The following TPTE variants were observed in gnomAD, a reference collection of about 807,000 sequenced individuals.
TPTE encodes the protein putative tyrosine-protein phosphatase TPTE.
A neutral mutation model predicts 84.1 loss-of-function variants in TPTE; 59 were observed. That is an observed-to-expected ratio of 0.70 (90% CI 0.57 to 0.87). The LOEUF (loss-of-function observed/expected upper bound fraction) is 0.87, where lower values mean the gene tolerates loss of function less well. TPTE is among the 40% of genes least tolerant of loss of function. The probability of loss-of-function intolerance (pLI) is 0.00; values close to 1 mark genes in which losing one functional copy is unlikely to be tolerated. For missense variants in TPTE, 382 were observed against 659.6 expected (o/e 0.58, Z 4.61); for synonymous variants, 130 against 223.5 (o/e 0.58, Z 3.73).
intron 3 of TPTE, among the ~76,000 whole-genome samples, chr21:10,537,010 A>G (rs1439917050): frequency 6.6e-6 from 1 of 152,304 alleles, no homozygotes; most frequent in African/African-American, 2.4e-5. Flanking sequence ...CTAACACTAC[A>G]AGCCCACACC....
At chr21:10,542,171 A>G (rs1335930442) in intron 5 of TPTE, among the ~76,000 whole-genome samples, 1 of 152,304 alleles carries the variant, frequency 6.6e-6, no homozygotes, top group African/African-American at 2.4e-5. Context: ...GTTTACTTAA[A>G]TCGGGAAGCA....
intron 3 of TPTE, among the ~76,000 whole-genome samples, chr21:10,535,710 A>G (rs2074254873): frequency 6.6e-6 from 1 of 152,306 alleles, no homozygotes; most frequent in Non-Finnish European, 1.5e-5. Flanking sequence ...CGGAGGAGTG[A>G]AGCACTCAGC....
chr21:10,585,215 G>C (rs2075341145), intron 17 of TPTE, among the ~76,000 whole-genome samples: 1 of 150,518 alleles, frequency 6.6e-6, no homozygotes, highest in Non-Finnish European at 1.5e-5. Flanking sequence ...GGATGACAGA[G>C]TAAGACTCTG....
chr21:10,589,278 A>C (rs1381516190), intron 17 of TPTE, among the ~76,000 whole-genome samples: 1 of 152,268 alleles, frequency 6.6e-6, no homozygotes. Flanking sequence ...CTGCAGCCCT[A>C]TGCACTTCTG....
chr21:10,547,425 G>A (rs367948876), intron 7 of TPTE, among the ~76,000 whole-genome samples: 1,074 of 151,908 alleles, frequency 7.1e-3, no homozygotes, highest in African/African-American at 0.025. Flanking sequence ...TCATTGCAGG[G>A]TGAAGGTAGG....
intron 14 of TPTE, among the ~76,000 whole-genome samples, chr21:10,573,784 A>G (rs2075093540): frequency 6.6e-6 from 1 of 152,310 alleles, no homozygotes; most frequent in Admixed American, 6.5e-5. Flanking sequence ...ACTTGGCTGA[A>G]TGGCCCCATG....
At chr21:10,536,436 A>G (rs963846399) in intron 3 of TPTE, among the ~76,000 whole-genome samples, 3 of 152,308 alleles carry the variant, frequency 2.0e-5, no homozygotes, top group Admixed American at 6.5e-5. Flanking sequence ...TTTAGCCTGC[A>G]TACAGAATTG....
At chr21:10,525,422 T>C (rs1299069027) in intron 2 of TPTE, among the ~76,000 whole-genome samples, 9 of 152,308 alleles carry the variant, frequency 5.9e-5, no homozygotes, top group Non-Finnish European at 1.2e-4. Flanking sequence ...TTTTGGCCTC[T>C]GAAACATTAG....
At chr21:10,600,416 G>A (rs771837046) in intron 21 of TPTE, among the ~76,000 whole-genome samples, 77 of 152,116 alleles carry the variant, frequency 5.1e-4, no homozygotes, top group Middle Eastern at 3.5e-3. Context: ...TAGGATTACA[G>A]GCTTGAGCCA....
At chr21:10,545,845 A>G (rs1336712285) in intron 7 of TPTE, among the ~76,000 whole-genome samples, 1 of 151,820 alleles carries the variant, frequency 6.6e-6, no homozygotes, top group African/African-American at 2.4e-5. Context: ...CTATATATAG[A>G]TATATTCTTT....
In TPTE at chr21:10,537,328, C is replaced by G. The variant is rs542753314; in HGVS notation, c.-43-1353C>G. 7.9e-5 allele frequency among the ~76,000 whole-genome samples: 12 copies of G among 152,426 alleles called. No homozygotes were observed. The East Asian group carries it at 1.5e-3, about 20-fold the overall frequency. ...ATATATTTAAATTCTGTAGCACTGCCAAGTCTAAATTCAAATCAGTACCCT... is the reference window on the plus strand; with the variant it reads ...ATATATTTAAATTCTGTAGCACTGCGAAGTCTAAATTCAAATCAGTACCCT... On this transcript the variant is annotated intron_variant, in intron 3 of 23. Transcript: ENST00000618007.
chr21:10,587,534 G>A (rs1315771327), intron 17 of TPTE, among the ~76,000 whole-genome samples: 1 of 152,280 alleles, frequency 6.6e-6, no homozygotes, highest in Non-Finnish European at 1.5e-5. Context: ...CCATGATGCT[G>A]CAAAGGAAAT....
At chr21:10,567,605 CT>C (rs2074950422) in intron 10 of TPTE, 64 bp from the exon 11 acceptor site, 5 of 1,593,054 alleles carry the variant, frequency 3.1e-6, no homozygotes, top group Non-Finnish European at 2.6e-6. Flanking sequence ...AGTTTGTGGT[CT>C]TTAAATATTC....
chr21:10,544,777 A>G (rs469694), intron 7 of TPTE, among the ~76,000 whole-genome samples: 30,647 of 142,716 alleles, frequency 0.21, 67 homozygotes, highest in African/African-American at 0.47. Flanking sequence ...GTATTTGAAC[A>G]TGAGAAGGCA....
At chr21:10,535,996 G>A (rs1371732124) in intron 3 of TPTE, among the ~76,000 whole-genome samples, 1 of 152,312 alleles carries the variant, frequency 6.6e-6, no homozygotes, top group Admixed American at 6.5e-5. Flanking sequence ...AAATGCCACT[G>A]GCCAGGCATG....
At chr21:10,573,907 A>G (rs560291404) in intron 14 of TPTE, among the ~76,000 whole-genome samples, 1 of 152,428 alleles carries the variant, frequency 6.6e-6, no homozygotes, top group South Asian at 2.1e-4. Context: ...CAGGCTCAAA[A>G]TTATATATTA....
intron 4 of TPTE, among the ~76,000 whole-genome samples, chr21:10,539,321 C>T (rs2074324664): frequency 6.6e-6 from 1 of 152,308 alleles, no homozygotes. Flanking sequence ...GAGGTTGGTG[C>T]TAAAACATAA....
intron 14 of TPTE, among the ~76,000 whole-genome samples, chr21:10,575,840 C>A (rs1375689963): frequency 1.5e-3 from 222 of 151,614 alleles, no homozygotes; most frequent in African/African-American, 3.6e-3. Context: ...AAAAAAAACT[C>A]AACATCACTG....
At chr21:10,545,057 T>C (rs1305985980) in intron 7 of TPTE, among the ~76,000 whole-genome samples, 4 of 152,304 alleles carry the variant, frequency 2.6e-5, no homozygotes, top group Non-Finnish European at 5.9e-5. Context: ...GGAATAATTA[T>C]TGCTAATTTG....
Sources: gnomAD v4.1 joint callset for allele counts (sites outside exome capture counted in the v4.1 genomes callset) on GRCh38, gnomAD v4.1.1 for gene constraint, MANE v1.5 for transcripts, NCBI Gene and HGNC (gene_info 2026-07-23, HGNC 2026-07-21) for gene names.